Variants in SPOPL observed in about 807,000 individuals in gnomAD.
SPOPL encodes speckle-type POZ protein-like.
SPOPL carries 23 observed loss-of-function variants against 53.8 expected under a neutral mutation model. The observed-to-expected ratio is 0.43, with a 90% confidence interval of 0.31 to 0.61. The LOEUF (loss-of-function observed/expected upper bound fraction) is 0.61, where lower values mean the gene tolerates loss of function less well. Among genes scored for constraint, SPOPL ranks in the 20% least tolerant of loss-of-function variants. The pLI is 0.12. For missense variants in SPOPL, 442 were observed against 466.9 expected (o/e 0.95, Z 0.49); for synonymous variants, 164 against 149.7 (o/e 1.10, Z -0.70).
chr2:138,548,171 G>A (rs1391172804), intron 1 of SPOPL, among the ~76,000 whole-genome samples: 1 of 151,074 alleles, frequency 6.6e-6, no homozygotes, highest in Non-Finnish European at 1.5e-5. Flanking sequence ...AAATAATCTT[G>A]GACAGTGCAA....
intron 1 of SPOPL, among the ~76,000 whole-genome samples, chr2:138,541,945 C>T (rs1225339950): frequency 6.6e-6 from 1 of 152,052 alleles, no homozygotes. Context: ...TGTCTTTGTT[C>T]TCGTTGGTTT....
chr2:138,524,395 C>T (rs1346059287), intron 1 of SPOPL, among the ~76,000 whole-genome samples: 2 of 152,202 alleles, frequency 1.3e-5, no homozygotes, highest in African/African-American at 4.8e-5. Flanking sequence ...CTGACATGCC[C>T]TGGAGACATT....
intron 1 of SPOPL, among the ~76,000 whole-genome samples, chr2:138,528,991 C>A (rs976968833): frequency 2.6e-5 from 4 of 152,146 alleles, no homozygotes; most frequent in African/African-American, 9.7e-5. Flanking sequence ...CTGTTCTCAT[C>A]GTTTTTAAAT....
chr2:138,516,530 G>T (rs1684440924), intron 1 of SPOPL, among the ~76,000 whole-genome samples: 1 of 152,190 alleles, frequency 6.6e-6, no homozygotes, highest in Non-Finnish European at 1.5e-5. Flanking sequence ...GAATGTCAAG[G>T]AATTTGATGC....
At chr2:138,550,434 T>TA in intron 2 of SPOPL, 49 bp from the exon 3 acceptor site, 2 of 1,595,618 alleles carry the variant, frequency 1.3e-6, no homozygotes, top group Admixed American at 1.7e-5. Flanking sequence ...TGTAACAAGT[T>TA]AAAAGTATTA....
chr2:138,550,117 A>AC (rs1174352495), intron 1 of SPOPL, 40 bp from the exon 2 acceptor site: 3 of 1,026,578 alleles, frequency 2.9e-6, no homozygotes, highest in Non-Finnish European at 4.4e-6. Flanking sequence ...TCTGTCGTTT[A>AC]AACTTTTTAA....
chr2:138,543,137 A>C (rs571021892), intron 1 of SPOPL, among the ~76,000 whole-genome samples: 5 of 152,260 alleles, frequency 3.3e-5, no homozygotes, highest in Admixed American at 2.6e-4. Flanking sequence ...CTTTGTGGGT[A>C]ACCTGACCTT....
chr2:138,568,075 C>T (rs900673911), intron 10 of SPOPL, among the ~76,000 whole-genome samples: 17 of 151,976 alleles, frequency 1.1e-4, no homozygotes, highest in African/African-American at 3.6e-4. Flanking sequence ...CAGTGGGGAA[C>T]AATGAAGAGG....
In SPOPL at chr2:138,550,203, A is replaced by G; in HGVS notation, c.-14A>G. 6.2e-7 allele frequency: 1 copy of G among 1,612,476 alleles called. No homozygotes were observed. The highest frequency in any genetic ancestry group is 1.1e-5 in the South Asian group (1 of 90,964). On this transcript the variant is annotated 5_prime_UTR_variant, in exon 2 of 11. Transcript: ENST00000280098. ...GGTACTACATAAATCCTGAAAGACT[A>G]CAATAAAGTGGTGATGTCTCGGGAA...
chr2:138,518,905 G>T (rs1684500362), intron 1 of SPOPL, among the ~76,000 whole-genome samples: 1 of 152,136 alleles, frequency 6.6e-6, no homozygotes. Flanking sequence ...TTGTAAACAA[G>T]CTCTATCTTT....
At chr2:138,552,354 T>C (rs1314097848) in intron 4 of SPOPL, among the ~76,000 whole-genome samples, 200 bp from the exon 5 acceptor site, 1 of 152,044 alleles carries the variant, frequency 6.6e-6, no homozygotes, top group African/African-American at 2.4e-5. Context: ...ATGGCCAAAA[T>C]TGAGTAGGCA....
In SPOPL at chr2:138,544,883, C is replaced by G. The variant is rs138196376; in HGVS notation, c.-60-5274C>G. 6.8e-3 allele frequency among the ~76,000 whole-genome samples: 1,037 copies of G among 152,306 alleles called. 13 individuals are homozygous for G. The highest frequency in any genetic ancestry group is 0.024 in the African/African-American group (985 of 41,556). On this transcript the variant is annotated intron_variant, in intron 1 of 10. Transcript: ENST00000280098. ...ATTCAGCCATCTTGGCTCCACCCCC[C>G]ACCTGTTTTCAAGCATGTGTTTGCC...
chr2:138,527,495 C>T (rs760363084), intron 1 of SPOPL, among the ~76,000 whole-genome samples: 5 of 152,136 alleles, frequency 3.3e-5, no homozygotes, highest in Admixed American at 6.5e-5. Context: ...TTATCTTGCA[C>T]ATTAAACTTA....
chr2:138,514,904 G>T (rs1044237896), intron 1 of SPOPL, among the ~76,000 whole-genome samples: 1 of 152,140 alleles, frequency 6.6e-6, no homozygotes, highest in African/African-American at 2.4e-5. Context: ...ATTCTGGTGG[G>T]TGTAACATGG....
In SPOPL at chr2:138,550,260, C is replaced by T; in HGVS notation, c.44C>T (p.Thr15Ile). 2 of 1,613,652 alleles carry T rather than the reference C, an allele frequency of 1.2e-6. No individual in the cohort carries two copies. The highest frequency in any genetic ancestry group is 1.7e-6 in the Non-Finnish European group (2 of 1,179,664). ...PTPPLPGDMS[T>I]GPIAESWCYT... ...CCACCTCTACCTGGAGATATGTCTA[C>T]TGGTCCCATAGCAGAAAGCTGGTGT... The change falls in exon 2 of 11, where the codon ACT becomes ATT. Residue 15 changes from threonine to isoleucine, a missense_variant. Physicochemically the swap from Thr to Ile is moderately conservative, Grantham distance 89. Coordinates refer to ENST00000280098, the MANE Select transcript of SPOPL (RefSeq NM_001001664.3).
chr2:138,538,742 CTTT>C (rs796610504), intron 1 of SPOPL, among the ~76,000 whole-genome samples: 2 of 144,490 alleles, frequency 1.4e-5, no homozygotes, highest in African/African-American at 5.0e-5. Context: ...TAGCTGTTTT[CTTT>C]TTTTTTTTTC....
chr2:138,513,980 A>G (rs968952919), intron 1 of SPOPL, among the ~76,000 whole-genome samples: 13 of 152,174 alleles, frequency 8.5e-5, no homozygotes, highest in African/African-American at 2.4e-4. Flanking sequence ...TATTTTAAGT[A>G]AACTTTTGAA....
chr2:138,559,257 A>T (rs1360862056), intron 6 of SPOPL, 25 bp from the exon 7 acceptor site: 1 of 1,611,444 alleles, frequency 6.2e-7, no homozygotes, highest in Middle Eastern at 1.7e-4. Flanking sequence ...TATGCATAAA[A>T]TAATGATACA....
intron 7 of SPOPL, 50 bp downstream of exon 7, chr2:138,559,387 T>C (rs1346435125): frequency 6.6e-7 from 1 of 1,526,684 alleles, no homozygotes; most frequent in South Asian, 1.2e-5. Context: ...CGTAAAGTAG[T>C]TGGGTGTATG....
Sources: allele counts gnomAD v4.1 joint callset (sites outside exome capture counted in the v4.1 genomes callset), GRCh38; gene constraint gnomAD v4.1.1; transcripts MANE v1.5; gene names NCBI Gene and HGNC (gene_info 2026-07-23, HGNC 2026-07-21).